SYK: variants seen among roughly 807,000 people sequenced by gnomAD.
The protein encoded by SYK is tyrosine-protein kinase SYK.
Under a neutral mutation model 77.8 loss-of-function variants are expected in SYK, and 16 were observed. The ratio of observed to expected loss-of-function variants is 0.21; its 90% CI spans 0.14 to 0.31. The LOEUF is 0.31. SYK is among the 10% of genes least tolerant of loss of function. The pLI is 1.00. For missense variants in SYK, 529 were observed against 814.4 expected (o/e 0.65, Z 4.26); for synonymous variants, 312 against 308.7 (o/e 1.01, Z -0.11).
intron 1 of SYK, among the ~76,000 whole-genome samples, chr9:90,809,913 A>G (rs1016139388): frequency 1.3e-5 from 2 of 152,054 alleles, no homozygotes; most frequent in African/African-American, 4.8e-5. Flanking sequence ...TGTTATGGAA[A>G]TGTTTGTGAG....
At chr9:90,829,402 G>C (rs891438497) in intron 1 of SYK, among the ~76,000 whole-genome samples, 1 of 152,204 alleles carries the variant, frequency 6.6e-6, no homozygotes, top group African/African-American at 2.4e-5. Context: ...AAGGGAGCCT[G>C]AGGGTGGGGT....
intron 11 of SYK, among the ~76,000 whole-genome samples, chr9:90,884,982 C>T (rs1828506020): frequency 8.8e-6 from 1 of 113,060 alleles, no homozygotes; most frequent in African/African-American, 3.5e-5. Context: ...TATATATACC[C>T]AACATATATA....
intron 1 of SYK, among the ~76,000 whole-genome samples, chr9:90,819,792 G>A (rs1470761104): frequency 2.0e-5 from 3 of 152,012 alleles, no homozygotes; most frequent in African/African-American, 7.3e-5. Flanking sequence ...CTTCCCAATA[G>A]TCCCCCAAAG....
chr9:90,823,253 A>G (rs1825576035), intron 1 of SYK, among the ~76,000 whole-genome samples: 1 of 152,268 alleles, frequency 6.6e-6, no homozygotes, highest in Non-Finnish European at 1.5e-5. Context: ...GCATCAAAAT[A>G]TGCAAGACAA....
rs1220338285 is a variant in SYK at position 90,884,833 on chromosome 9, GTATA to G, written c.1582-2913_1582-2910del. ...TACATACACATATACACATATGTGT[GTATA>G]TACATATACACACATATGTGTGTAT... On this transcript the variant is annotated intron_variant, in intron 11 of 13. Transcript: ENST00000375754. Among the ~76,000 whole-genome samples, 12 of 24,370 alleles carry G rather than the reference GTATA, an allele frequency of 4.9e-4. 5 individuals are homozygous for G. The highest frequency in any genetic ancestry group is 7.5e-4 in the African/African-American group (2 of 2,680). The allele number at this position is 24,370 out of a possible 152,430, so 16.0% of individuals were successfully genotyped here.
chr9:90,897,498 A>T lies in SYK; in HGVS notation c.*1898A>T, dbSNP rs200219989. 4.3e-6 allele frequency: 1 copy of T among 232,094 alleles called. No homozygotes were observed. Among genetic ancestry groups the T allele is most frequent in the Non-Finnish European group, 8.5e-6 (1 of 117,418 alleles). 14.4% of individuals were successfully genotyped at this position (232,094 alleles called of 1,614,324 possible). A position where few individuals can be genotyped will look rare whatever the true frequency, so the allele number is the denominator to read the frequency against. On this transcript the variant is annotated 3_prime_UTR_variant, in exon 14 of 14. Coordinates refer to ENST00000375754, the MANE Select transcript of SYK (RefSeq NM_003177.7). ...AAAGTGGTGACTGCATCTGAGAAAGAGGCTGTGAGGCTGAACTCTTGGTGG... is the reference window on the plus strand; with the variant it reads ...AAAGTGGTGACTGCATCTGAGAAAGTGGCTGTGAGGCTGAACTCTTGGTGG...
chr9:90,828,737 T>C lies in SYK; in HGVS notation c.-41-15121T>C, dbSNP rs1451510473. ...TCCCCCTTCTCTGAGCACACCTGTA[T>C]GATGAGGCATGTACTTCTTCCTGGT... is the stretch of plus-strand genomic sequence containing the variant. On this transcript the variant is annotated intron_variant, in intron 1 of 13. Transcript: ENST00000375754. Among the ~76,000 whole-genome samples, 4 of 152,162 alleles carry C rather than the reference T, an allele frequency of 2.6e-5. No homozygotes were observed. The East Asian group carries it at 7.7e-4, about 29-fold the overall frequency.
chr9:90,813,923 C>T lies in SYK; in HGVS notation c.-42+12030C>T, dbSNP rs146235450. On this transcript the variant is annotated intron_variant, in intron 1 of 13. Coordinates refer to ENST00000375754, the MANE Select transcript of SYK (RefSeq NM_003177.7). The stretch of plus-strand genomic sequence containing the variant: ...CACATCCCCAGTCACTAGACAAGGT[C>T]ACTCCCCCGGGGGGCATCTTACTCA... 3.7e-3 allele frequency among the ~76,000 whole-genome samples: 561 copies of T among 152,258 alleles called. 2 individuals are homozygous for T. Among genetic ancestry groups the T allele is most frequent in the Non-Finnish European group, 5.6e-3 (379 of 68,000 alleles).
chr9:90,888,680 A>C lies in SYK; in HGVS notation c.1835+53A>C, dbSNP rs1170447815. On this transcript the variant is annotated intron_variant, in intron 13 of 13. Coordinates refer to ENST00000375754, the MANE Select transcript of SYK (RefSeq NM_003177.7). Reference sequence around the variant, plus strand: ...ATTCAGATGCTCTGGAAACAGGTGAAATGGTTGGGCGTCTAAAAAAAAGGA... The same window carrying C: ...ATTCAGATGCTCTGGAAACAGGTGACATGGTTGGGCGTCTAAAAAAAAGGA... 6.7e-6 allele frequency: 9 copies of C among 1,345,538 alleles called. No individual in the cohort carries two copies. The African/African-American group carries it at 1.3e-4, about 20-fold the overall frequency. The allele number at this position is 1,345,538 out of a possible 1,614,324, so 83.3% of individuals were successfully genotyped here.
chr9:90,852,625 G>A (rs1236210521), intron 3 of SYK, among the ~76,000 whole-genome samples: 1 of 152,164 alleles, frequency 6.6e-6, no homozygotes, highest in African/African-American at 2.4e-5. Context: ...CACATAAGTG[G>A]CTGCTCTCCA....
chr9:90,845,474 A>G lies in SYK; in HGVS notation c.458A>G (p.Gln153Arg). 1 of 1,614,218 alleles carries G rather than the reference A, an allele frequency of 6.2e-7. No homozygotes were observed. Among genetic ancestry groups the G allele is most frequent in the Non-Finnish European group, 8.5e-7 (1 of 1,180,034 alleles). ...CAGGCCATCATCAGTCAGAAGCCTC[A>G]GCTGGAGAAGCTGATCGCTACCACA... Reference protein sequence around the residue: ...LEQAIISQKPQLEKLIATTAH... With the variant: ...LEQAIISQKPRLEKLIATTAH... The change falls in exon 3 of 14, where the codon CAG becomes CGG. Residue 153 changes from glutamine to arginine, a missense_variant. Transcript: ENST00000375754.
At chr9:90,839,557 C>G (rs982207053) in intron 1 of SYK, among the ~76,000 whole-genome samples, 1 of 152,002 alleles carries the variant, frequency 6.6e-6, no homozygotes, top group Non-Finnish European at 1.5e-5. Flanking sequence ...GGATTCATGC[C>G]CAAGTGCCAG....
In SYK at chr9:90,895,815, A is replaced by C. The variant is rs199644752; in HGVS notation, c.*215A>C. Reference sequence around the variant, plus strand: ...GGAGAAAAGACGGATGGCAGGATCCAAGGGGCTAGCTGGATTTGTTTGTTT... The same window carrying C: ...GGAGAAAAGACGGATGGCAGGATCCCAGGGGCTAGCTGGATTTGTTTGTTT... On this transcript the variant is annotated 3_prime_UTR_variant, in exon 14 of 14. Coordinates refer to ENST00000375754, the MANE Select transcript of SYK (RefSeq NM_003177.7). The surrounding 1 kb of genome is among the most constrained non-coding windows in gnomAD (Gnocchi z 4.4). The C allele has an allele frequency of 1.8e-4, 95 of 540,636 alleles. 2 individuals are homozygous for C. The South Asian group carries it at 2.2e-3, about 13-fold the overall frequency. The allele number at this position is 540,636 out of a possible 1,614,324, so 33.5% of individuals were successfully genotyped here.
chr9:90,855,624 G>A (rs552687298), intron 3 of SYK, among the ~76,000 whole-genome samples: 1 of 152,018 alleles, frequency 6.6e-6, no homozygotes, highest in Non-Finnish European at 1.5e-5. Context: ...GCCACCCATG[G>A]AGCCCGTAAC....
intron 1 of SYK, among the ~76,000 whole-genome samples, chr9:90,819,866 G>T (rs1288795440): frequency 6.6e-6 from 1 of 152,160 alleles, no homozygotes; most frequent in African/African-American, 2.4e-5. Context: ...GACAAGGCAA[G>T]TCCCTTCCAT....
At chr9:90,820,651 TC>T (rs1416451039) in intron 1 of SYK, among the ~76,000 whole-genome samples, 11 of 152,092 alleles carry the variant, frequency 7.2e-5, no homozygotes, top group African/African-American at 2.7e-4. Flanking sequence ...AACCACTTTT[TC>T]CTCCTGGGCC....
chr9:90,889,322 G>A (rs1308932269), intron 13 of SYK, among the ~76,000 whole-genome samples: 3 of 152,340 alleles, frequency 2.0e-5, no homozygotes, highest in East Asian at 1.9e-4. Flanking sequence ...ACCCCAAGCC[G>A]CCATCTCCAG....
In SYK at chr9:90,844,197, T is replaced by C. The variant is rs1257507163; in HGVS notation, c.299T>C (p.Val100Ala). 1.9e-6 allele frequency: 3 copies of C among 1,614,062 alleles called. No individual in the cohort carries two copies. Among genetic ancestry groups the C allele is most frequent in the African/African-American group, 2.7e-5 (2 of 74,914 alleles). The change falls in exon 2 of 14, where the codon GTC (valine) becomes GCC (alanine). Residue 100 changes from valine (V) to alanine (A), a missense_variant. This residue lies in a region of SYK where 321 missense variants were observed against 433.1 expected (regional missense o/e 0.74). Transcript: ENST00000375754. ...HYHSQESDGL[V>A]CLLKKPFNRP... ...CACTCCCAGGAGTCTGATGGCCTGG[T>C]CTGCCTCCTCAAGAAGCCCTTCAAC... is the stretch of plus-strand genomic sequence containing the variant.
At chr9:90,892,828 G>T (rs1176938743) in intron 13 of SYK, among the ~76,000 whole-genome samples, 2 of 152,190 alleles carry the variant, frequency 1.3e-5, no homozygotes, top group Non-Finnish European at 2.9e-5. Flanking sequence ...AAATTTCCTG[G>T]GCTCTCCAGG....
Sources: allele counts gnomAD v4.1 joint callset (sites outside exome capture counted in the v4.1 genomes callset), GRCh38; gene constraint gnomAD v4.1.1; regional missense constraint gnomAD v4.1.1; non-coding constraint Gnocchi (gnomAD v3.1); transcripts MANE v1.5; gene names NCBI Gene and HGNC (gene_info 2026-07-23, HGNC 2026-07-21).